Variants in RARB observed in about 807,000 individuals in gnomAD.
The protein encoded by RARB is HBV-activated protein.
Under a neutral mutation model 51.9 loss-of-function variants are expected in RARB, and 17 were observed. The ratio of observed to expected loss-of-function variants is 0.33; its 90% CI spans 0.22 to 0.49. The LOEUF (loss-of-function observed/expected upper bound fraction) is 0.49, where lower values mean the gene tolerates loss of function less well. Ranked by LOEUF, RARB falls within the 20% of genes least tolerant of loss-of-function variation. The pLI, the probability that RARB is intolerant of heterozygous loss-of-function variation, is 0.99. For missense variants in RARB, 369 were observed against 550.8 expected, an observed-to-expected ratio of 0.67 and a Z score of 3.30; for synonymous variants, 215 against 195.4, an observed-to-expected ratio of 1.10 and a Z score of -0.84.
chr3:25,538,763 A>G (rs1048707439), intron 3 of RARB, among the ~76,000 whole-genome samples: 2 of 152,262 alleles, frequency 1.3e-5, no homozygotes, highest in Non-Finnish European at 2.9e-5. Context: ...CTATTGTATA[A>G]TATACATCAT....
At chr3:25,101,279 C>G (rs527992098) in intron 3 of RARB, among the ~76,000 whole-genome samples, 1 of 152,152 alleles carries the variant, frequency 6.6e-6, no homozygotes, top group East Asian at 1.9e-4. Context: ...CACAAACTTA[C>G]TGGAAACCAA....
At chr3:25,311,215 A>T (rs192057941) in intron 5 of RARB, among the ~76,000 whole-genome samples, 1 of 152,364 alleles carries the variant, frequency 6.6e-6, no homozygotes. Context: ...CAACCACCTC[A>T]AGGAGGGGAA....
At chr3:25,173,985 T>C (rs1047570705) in intron 4 of RARB, 2 of 154,988 alleles carry the variant, frequency 1.3e-5, no homozygotes, top group African/African-American at 4.8e-5. Context: ...ATTAACACTC[T>C]TTGGGAAGCA....
At chr3:25,014,807 T>C (rs748448732) in intron 2 of RARB, among the ~76,000 whole-genome samples, 26 of 152,082 alleles carry the variant, frequency 1.7e-4, no homozygotes, top group Non-Finnish European at 3.5e-4. Context: ...TGTGTGGCCC[T>C]GAAGGAAATA....
chr3:25,581,328 C>A (rs1420046397), intron 5 of RARB, among the ~76,000 whole-genome samples: 1 of 152,198 alleles, frequency 6.6e-6, no homozygotes, highest in Non-Finnish European at 1.5e-5. Context: ...TGATGCATCC[C>A]TGGAGGCCAG....
At chr3:24,953,411 A>G (rs1695940944) in intron 2 of RARB, among the ~76,000 whole-genome samples, 1 of 152,354 alleles carries the variant, frequency 6.6e-6, no homozygotes, top group South Asian at 2.1e-4. Context: ...GAATTGCTTT[A>G]AAGAACCAGG....
chr3:25,410,773 A>T (rs1435773799), intron 5 of RARB, among the ~76,000 whole-genome samples: 2 of 152,218 alleles, frequency 1.3e-5, no homozygotes, highest in Non-Finnish European at 2.9e-5. Flanking sequence ...GGCCACAGTC[A>T]GAGTATTTAC....
At chr3:25,580,127 C>T (rs1014576151) in intron 4 of RARB, among the ~76,000 whole-genome samples, 2 of 152,234 alleles carry the variant, frequency 1.3e-5, no homozygotes, top group African/African-American at 4.8e-5. Context: ...GTAATCCCAG[C>T]ACTTTGGGAG....
chr3:25,320,504 A>G (rs1193996047), intron 5 of RARB, among the ~76,000 whole-genome samples: 1 of 152,134 alleles, frequency 6.6e-6, no homozygotes, highest in Non-Finnish European at 1.5e-5. Flanking sequence ...CCCTGACTCC[A>G]TTACTAATTC....
chr3:25,390,117 A>G (rs1404194396), intron 5 of RARB, among the ~76,000 whole-genome samples: 2 of 152,150 alleles, frequency 1.3e-5, no homozygotes, highest in African/African-American at 2.4e-5. Context: ...CACCGATATG[A>G]TGACATTAAG....
intron 2 of RARB, among the ~76,000 whole-genome samples, chr3:24,944,029 A>C (rs1428244128): frequency 6.6e-6 from 1 of 152,342 alleles, no homozygotes; most frequent in South Asian, 2.1e-4. Flanking sequence ...ATTCAGGAAA[A>C]TATTGCCTTG....
intron 3 of RARB, among the ~76,000 whole-genome samples, chr3:25,533,542 G>A (rs1699012692): frequency 6.6e-6 from 1 of 152,188 alleles, no homozygotes; most frequent in African/African-American, 2.4e-5. Context: ...GGATATGTTT[G>A]ATTAGTGAGA....
chr3:25,547,654 G>C lies in RARB; in HGVS notation c.449-22104G>C, dbSNP rs1173624369. ...AGCTGAATATACTCAAAAGGAAAAA[G>C]ATCAATGAACCCCCAAGTTGGCAGT... On this transcript the variant is annotated intron_variant, in intron 3 of 7. Coordinates refer to ENST00000330688, the MANE Select transcript of RARB (RefSeq NM_000965.5). 3.3e-5 allele frequency among the ~76,000 whole-genome samples: 5 copies of C among 152,146 alleles called. No individual in the cohort carries two copies. In the East Asian group the frequency reaches 9.6e-4, roughly 29 times the overall value.
At chr3:25,181,793 G>T (rs955427872) in intron 5 of RARB, among the ~76,000 whole-genome samples, 1 of 152,034 alleles carries the variant, frequency 6.6e-6, no homozygotes, top group Non-Finnish European at 1.5e-5. Flanking sequence ...TCTTTGTTCT[G>T]TTGGGAACTC....
At chr3:25,450,135 C>G (rs1709127969) in intron 1 of RARB, among the ~76,000 whole-genome samples, 1 of 152,236 alleles carries the variant, frequency 6.6e-6, no homozygotes, top group South Asian at 2.1e-4. Flanking sequence ...AGGAGCATGA[C>G]TAGCCTACAG....
intron 2 of RARB, among the ~76,000 whole-genome samples, chr3:24,911,193 G>C (rs894540530): frequency 5.3e-5 from 8 of 152,166 alleles, no homozygotes; most frequent in Admixed American, 1.3e-4. Flanking sequence ...TCTCTCGGAA[G>C]AAAGTACTTG....
At chr3:24,961,084 C>T (rs1301063404) in intron 2 of RARB, among the ~76,000 whole-genome samples, 1 of 152,106 alleles carries the variant, frequency 6.6e-6, no homozygotes, top group Non-Finnish European at 1.5e-5. Flanking sequence ...CTTGAGAAAG[C>T]ATTTTTGAAA....
At chr3:25,003,863 A>G (rs1437786844) in intron 2 of RARB, among the ~76,000 whole-genome samples, 2 of 152,110 alleles carry the variant, frequency 1.3e-5, no homozygotes, top group African/African-American at 2.4e-5. Context: ...CTGGGGCCCT[A>G]TAATTTGTTG....
chr3:25,119,645 A>C (rs1300279953), intron 3 of RARB, among the ~76,000 whole-genome samples: 1 of 151,308 alleles, frequency 6.6e-6, no homozygotes, highest in Non-Finnish European at 1.5e-5. Flanking sequence ...TGAAAAAGTG[A>C]TAAAACAAAC....
Sources: allele counts gnomAD v4.1 joint callset (sites outside exome capture counted in the v4.1 genomes callset), GRCh38; gene constraint gnomAD v4.1.1; transcripts MANE v1.5; gene names NCBI Gene and HGNC (gene_info 2026-07-23, HGNC 2026-07-21).